CSMD1: variants seen among roughly 807,000 people sequenced by gnomAD.
The protein encoded by CSMD1 is CUB and sushi domain-containing protein 1.
CSMD1 carries 213 observed loss-of-function variants against 417.5 expected under a neutral mutation model. The ratio of observed to expected loss-of-function variants is 0.51; its 90% CI spans 0.46 to 0.57. CSMD1 has a LOEUF of 0.57. Ranked by LOEUF, CSMD1 falls within the 20% of genes least tolerant of loss-of-function variation. The pLI, the probability that CSMD1 is intolerant of heterozygous loss-of-function variation, is 0.00. For missense variants in CSMD1, 6,923 were observed against 4,529.7 expected (o/e 1.53, Z -15.17); for synonymous variants, 2,862 against 1,736.8 (o/e 1.65, Z -16.11).
intron 56 of CSMD1, among the ~76,000 whole-genome samples, chr8:2,973,766 A>C (rs1804667607): frequency 6.6e-6 from 1 of 152,204 alleles, no homozygotes; most frequent in African/African-American, 2.4e-5. Flanking sequence ...TTCGTGAAAA[A>C]AATAAAGATA....
intron 2 of CSMD1, among the ~76,000 whole-genome samples, chr8:4,615,950 T>C (rs1801450237): frequency 6.6e-6 from 1 of 152,198 alleles, no homozygotes. Flanking sequence ...ATTAAGAATC[T>C]AGCCAGAATC....
rs559322770 is a variant in CSMD1, at chr8:3,562,291, T to A, written c.1344+12654A>T. On this transcript the variant is annotated intron_variant, in intron 10 of 69. Transcript: ENST00000635120. ...ACAAAACATCAACTGATGAGAGAGT[T>A]TTAGAATCTAGAAAGACTTGGGAAC... 2.1e-4 allele frequency among the ~76,000 whole-genome samples: 32 copies of A among 152,190 alleles called. No individual in the cohort carries two copies. The South Asian group carries it at 6.6e-3, about 32-fold the overall frequency.
chr8:3,648,053 T>G (rs7003067), intron 7 of CSMD1, among the ~76,000 whole-genome samples: 1 of 152,174 alleles, frequency 6.6e-6, no homozygotes, highest in Non-Finnish European at 1.5e-5. Flanking sequence ...ACCTGCATGG[T>G]TGGAGATGGA....
At chr8:3,530,585 G>A (rs1232288758) in intron 10 of CSMD1, among the ~76,000 whole-genome samples, 1 of 152,200 alleles carries the variant, frequency 6.6e-6, no homozygotes, top group Non-Finnish European at 1.5e-5. Flanking sequence ...GCAGGGGTGT[G>A]AGCTAGGCTC....
intron 23 of CSMD1, among the ~76,000 whole-genome samples, chr8:3,324,455 GTTTCCTTCCCCCCACCATTCTTCACT>G (rs1806381508): frequency 1.4e-5 from 2 of 143,820 alleles, no homozygotes; most frequent in Non-Finnish European, 1.5e-5. Flanking sequence ...AGGAGTGGGA[GTTTCCTTCCCCCCACCATTCTTCACT>G]GTTAAAATAG....
intron 5 of CSMD1, among the ~76,000 whole-genome samples, chr8:3,925,216 G>C (rs1045449840): frequency 6.6e-6 from 1 of 152,158 alleles, no homozygotes; most frequent in South Asian, 2.1e-4. Flanking sequence ...GCTACATTTT[G>C]GGCTATTTTG....
At chr8:3,490,767 G>C (rs1172530760) in intron 11 of CSMD1, among the ~76,000 whole-genome samples, 1 of 152,104 alleles carries the variant, frequency 6.6e-6, no homozygotes, top group Non-Finnish European at 1.5e-5. Context: ...CCCTGTCCCA[G>C]GTCAAAGGCA....
chr8:3,029,309 C>CT lies in CSMD1; in HGVS notation c.7855+9_7855+10insA, dbSNP rs1810172279. ...CCGTGACTTTCAGGGGTGCCTCCCT[C>CT]ATCACTTACCTCGACAGCTTGGCCT... On this transcript the variant is annotated intron_variant, in intron 51 of 69. Transcript: ENST00000635120. The CT allele has an allele frequency of 1.3e-6, 2 of 1,594,150 alleles. No homozygotes were observed. The highest frequency in any genetic ancestry group is 4.5e-5 in the East Asian group (2 of 44,568).
intron 2 of CSMD1, among the ~76,000 whole-genome samples, chr8:4,464,675 C>A (rs1299515136): frequency 4.6e-5 from 7 of 152,068 alleles, no homozygotes; most frequent in African/African-American, 1.7e-4. Context: ...TGTAGTCAAT[C>A]CTGTAATATA....
At chr8:4,675,691 G>C (rs1805638631) in intron 1 of CSMD1, among the ~76,000 whole-genome samples, 1 of 151,946 alleles carries the variant, frequency 6.6e-6, no homozygotes, top group Non-Finnish European at 1.5e-5. Context: ...AAAAATCCAA[G>C]AGTTATATTT....
chr8:2,984,202 G>A (rs1326725264), intron 54 of CSMD1, among the ~76,000 whole-genome samples: 3 of 152,106 alleles, frequency 2.0e-5, no homozygotes, highest in East Asian at 3.9e-4. Flanking sequence ...CACAGGAAAC[G>A]TCTGATCCAC....
chr8:4,399,261 A>G (rs568953046), intron 3 of CSMD1, among the ~76,000 whole-genome samples: 144 of 152,326 alleles, frequency 9.5e-4, no homozygotes, highest in Non-Finnish European at 1.7e-3. Flanking sequence ...CCTCCCCACA[A>G]AAACAGCAAC....
intron 1 of CSMD1, among the ~76,000 whole-genome samples, chr8:4,746,762 C>T (rs886196950): frequency 3.9e-5 from 6 of 152,154 alleles, no homozygotes; most frequent in Admixed American, 2.0e-4. Flanking sequence ...TTCACTACAG[C>T]AGCGAGGTCA....
chr8:3,582,929 G>A (rs1800443746), intron 9 of CSMD1, among the ~76,000 whole-genome samples: 1 of 152,176 alleles, frequency 6.6e-6, no homozygotes. Context: ...GTGCTCCTGT[G>A]AAGGGATTTT....
chr8:3,772,039 C>G (rs549294688), intron 5 of CSMD1, among the ~76,000 whole-genome samples: 52 of 151,880 alleles, frequency 3.4e-4, no homozygotes, highest in African/African-American at 1.2e-3. Context: ...AGAGGAGCTT[C>G]TAGTGCGAGC....
chr8:3,896,635 C>T (rs1015961321), intron 5 of CSMD1, among the ~76,000 whole-genome samples: 3 of 152,014 alleles, frequency 2.0e-5, no homozygotes, highest in African/African-American at 7.2e-5. Flanking sequence ...CCTCAGCCTC[C>T]CGAGTAGCTG....
chr8:3,860,264 A>G (rs981883517), intron 5 of CSMD1, among the ~76,000 whole-genome samples: 1 of 152,154 alleles, frequency 6.6e-6, no homozygotes, highest in African/African-American at 2.4e-5. Context: ...ACCATTGTGA[A>G]GTTACTGAGA....
chr8:4,258,540 G>A (rs1178590964), intron 3 of CSMD1, among the ~76,000 whole-genome samples: 2 of 91,496 alleles, frequency 2.2e-5, no homozygotes, highest in Admixed American at 1.0e-4. Flanking sequence ...GGAGGGAAGA[G>A]TGGAACAATG....
intron 1 of CSMD1, among the ~76,000 whole-genome samples, chr8:4,762,374 A>C (rs1244416155): frequency 6.6e-6 from 1 of 152,158 alleles, no homozygotes; most frequent in Non-Finnish European, 1.5e-5. Context: ...CTATACATTT[A>C]ATAAAATCCA....
Sources: allele counts gnomAD v4.1 joint callset (sites outside exome capture counted in the v4.1 genomes callset), GRCh38; gene constraint gnomAD v4.1.1; transcripts MANE v1.5; gene names NCBI Gene and HGNC (gene_info 2026-07-23, HGNC 2026-07-21).